GSC: variants seen among roughly 807,000 people sequenced by gnomAD.
GSC encodes goosecoid homeobox, also known as homeobox protein goosecoid.
Under a neutral mutation model 24.5 loss-of-function variants are expected in GSC, and 13 were observed. The ratio of observed to expected loss-of-function variants is 0.53; its 90% CI spans 0.35 to 0.84. GSC has a LOEUF of 0.84. Among genes scored for constraint, GSC ranks in the 40% least tolerant of loss-of-function variants. The pLI, the probability that GSC is intolerant of heterozygous loss-of-function variation, is 0.01. For missense variants in GSC, 382 were observed against 384.2 expected (o/e 0.99, Z 0.05); for synonymous variants, 199 against 182.1 (o/e 1.09, Z -0.75).
intron 1 of GSC, 30 bp from the exon 2 acceptor site, chr14:94,769,247 G>A (rs1175328274): frequency 6.5e-7 from 1 of 1,542,128 alleles, no homozygotes; most frequent in South Asian, 1.2e-5. Context: ...ACGGTCAGCC[G>A]CCCGCCCTCG....
At chr14:94,769,312 T>A (rs1885235963) in intron 1 of GSC, 95 bp from the exon 2 acceptor site, 3 of 1,459,124 alleles carry the variant, frequency 2.1e-6, no homozygotes, top group Non-Finnish European at 2.8e-6. Context: ...TTAGAAGTCG[T>A]CTGCAAGGGG....
rs57600257 is a variant in GSC, at chr14:94,770,077, TG to T, written c.-63del. 24 of 1,445,146 alleles carry T rather than the reference TG, an allele frequency of 1.7e-5. No individual in the cohort carries two copies. Among genetic ancestry groups the T allele is most frequent in the Admixed American group, 6.3e-5 (3 of 47,830 alleles). The allele number at this position is 1,445,146 out of a possible 1,614,324, so 89.5% of individuals were successfully genotyped here. ...ACGCGCCGAGGACAGAGCCTTAAAGTGGGGGGGTCCACTCTCCTCCAGCCGC... is the reference window on the plus strand; with the variant it reads ...ACGCGCCGAGGACAGAGCCTTAAAGTGGGGGGTCCACTCTCCTCCAGCCGC... On this transcript the variant is annotated 5_prime_UTR_variant, in exon 1 of 3. Coordinates refer to ENST00000238558, the MANE Select transcript of GSC (RefSeq NM_173849.3).
At position 94,769,687 on chromosome 14, in the gene GSC, T is replaced by C; in HGVS notation, c.329A>G (p.Gln110Arg). ...CGAVPPLGAQ[Q>R]CSCVPTPPGY... ...TGGGGGCGTCGGGACGCAGGAGCAC[T>C]GCTGGGCGCCCAGCGGCGGCACGGC... Residue 110 changes from glutamine to arginine, a missense_variant, in exon 1 of 3, where the codon CAG (glutamine) becomes CGG (arginine). Gln to Arg is a conservative substitution (Grantham distance 43, BLOSUM62 1). Transcript: ENST00000238558. The C allele has an allele frequency of 6.9e-7, 1 of 1,446,092 alleles. No individual in the cohort carries two copies. Among genetic ancestry groups the C allele is most frequent in the Non-Finnish European group, 9.0e-7 (1 of 1,109,034 alleles). 89.6% of individuals were successfully genotyped at this position (1,446,092 alleles called of 1,614,324 possible).
chr14:94,769,550 G>C, intron 1 of GSC, 111 bp downstream of exon 1: 1 of 1,361,226 alleles, frequency 7.3e-7, no homozygotes, highest in Non-Finnish European at 9.5e-7. Context: ...CGGCAAAAGC[G>C]GAGGGGGGAG....
Position 94,769,806 on chromosome 14 carries a change from C to T in GSC, c.210G>A (p.Pro70=). 2.1e-6 allele frequency: 3 copies of T among 1,413,900 alleles called. No individual in the cohort carries two copies. The highest frequency in any genetic ancestry group is 3.0e-5 in the African/African-American group (2 of 66,014). 87.6% of individuals were successfully genotyped at this position (1,413,900 alleles called of 1,614,324 possible). A position where few individuals can be genotyped will look rare whatever the true frequency, so the allele number is the denominator to read the frequency against. Residue 70 remains proline, a synonymous_variant, in exon 1 of 3, where the codon CCG becomes CCA. Coordinates refer to ENST00000238558, the MANE Select transcript of GSC (RefSeq NM_173849.3). The part of the protein sequence containing the change: ...RPVAPGGAGL[P]AAVSGSRLGY... ...CGAGGCGGGAGCCGCTGACCGCGGC[C>T]GGGAGGCCCGCGCCGCCGGGGGCCA...
In GSC at chr14:94,769,967, G is replaced by T; in HGVS notation, c.49C>A (p.Arg17Ser). Residue 17 changes from arginine to serine, a missense_variant, in exon 1 of 3, where the codon CGC becomes AGC. By Grantham distance (110) the Arg-to-Ser change is moderately radical. Transcript: ENST00000238558. ...ACCGGCAACACCGAGTCCTTGCAGC[G>T]CGGCCGGGCGGCTAGGATGTTGTCG... Reference protein sequence around the residue: ...SIDNILAARPRCKDSVLPVAH... With the variant: ...SIDNILAARPSCKDSVLPVAH... The T allele has an allele frequency of 1.3e-6, 2 of 1,556,198 alleles. No individual in the cohort carries two copies. The highest frequency in any genetic ancestry group is 1.7e-6 in the Non-Finnish European group (2 of 1,159,440).
At position 94,769,748 on chromosome 14, in the gene GSC, C is replaced by T. The variant is rs1885245721; in HGVS notation, c.268G>A (p.Val90Met). The change falls in exon 1 of 3, where the codon GTG becomes ATG. Residue 90 changes from valine (V) to methionine (M), a missense_variant. Physicochemically the swap from Val to Met is conservative, Grantham distance 21. Transcript: ENST00000238558. ...YNNYFYGQLH[V>M]QAAPVGPACC... Reference sequence around the variant, plus strand: ...GCCGGGCCCACGGGCGCCGCCTGCACGTGCAGCTGCCCGTAGAAGTAGTTG... The same window carrying T: ...GCCGGGCCCACGGGCGCCGCCTGCATGTGCAGCTGCCCGTAGAAGTAGTTG... The T allele has an allele frequency of 3.5e-6, 5 of 1,441,534 alleles. No homozygotes were observed. Among genetic ancestry groups the T allele is most frequent in the South Asian group, 1.4e-5 (1 of 70,388 alleles). 89.3% of individuals were successfully genotyped at this position (1,441,534 alleles called of 1,614,324 possible).
chr14:94,768,443 C>T lies in GSC; in HGVS notation c.*48G>A, dbSNP rs369236695. 20 of 1,609,338 alleles carry T rather than the reference C, an allele frequency of 1.2e-5. No individual in the cohort carries two copies. The highest frequency in any genetic ancestry group is 5.0e-5 in the Admixed American group (3 of 60,002). ...AAGAAAGTAGCATCGTCTGTCTGTG[C>T]AAGTCCTTCGAGTTAGGTAAGTAAT... On this transcript the variant is annotated 3_prime_UTR_variant, in exon 3 of 3. Coordinates refer to ENST00000238558, the MANE Select transcript of GSC (RefSeq NM_173849.3).
rs1885243277 is a variant in GSC, at chr14:94,769,668, C to T, written c.348G>A (p.Thr116=). 1.4e-6 allele frequency: 2 copies of T among 1,437,800 alleles called. No homozygotes were observed. The highest frequency in any genetic ancestry group is 1.8e-6 in the Non-Finnish European group (2 of 1,105,632). 89.1% of individuals were successfully genotyped at this position (1,437,800 alleles called of 1,614,324 possible). A position where few individuals can be genotyped will look rare whatever the true frequency, so the allele number is the denominator to read the frequency against. Reference sequence around the variant, plus strand: ...GAGCGAGCGCGACCCTACCTGGGGGCGTCGGGACGCAGGAGCACTGCTGGG... The same window carrying T: ...GAGCGAGCGCGACCCTACCTGGGGGTGTCGGGACGCAGGAGCACTGCTGGG... ...LGAQQCSCVP[T]PPGYEGPGSV... Residue 116 remains threonine (T), a synonymous_variant, in exon 1 of 3, where the codon ACG becomes ACA. Transcript: ENST00000238558.
rs377299455 is a variant in GSC, at chr14:94,768,400, G to A, written c.*91C>T. On this transcript the variant is annotated 3_prime_UTR_variant, in exon 3 of 3. Transcript: ENST00000238558. The stretch of plus-strand genomic sequence containing the variant: ...CGTTCCTCTTTCTCGACCCCCTCCC[G>A]CAAGGCAGCGCGTGTGCAAGAAAGT... 6.7e-7 allele frequency: 1 copy of A among 1,489,096 alleles called. No homozygotes were observed. The allele number at this position is 1,489,096 out of a possible 1,614,324, so 92.2% of individuals were successfully genotyped here.
chr14:94,769,558 G>C (rs902401483), intron 1 of GSC, 103 bp downstream of exon 1: 2 of 1,365,364 alleles, frequency 1.5e-6, no homozygotes, highest in African/African-American at 1.5e-5. Context: ...GCGGAGGGGG[G>C]AGTTGCAAGA....
intron 2 of GSC, 84 bp from the exon 3 acceptor site, chr14:94,768,733 G>A (rs1017884816): frequency 1.8e-5 from 28 of 1,558,780 alleles, no homozygotes; most frequent in Non-Finnish European, 2.2e-5. Flanking sequence ...TTGGTGTGGC[G>A]GCGGGACACC....
At chr14:94,768,743 C>T in intron 2 of GSC, 94 bp from the exon 3 acceptor site, 2 of 1,526,814 alleles carry the variant, frequency 1.3e-6, no homozygotes, top group Non-Finnish European at 1.8e-6. Flanking sequence ...GGCGGGACAC[C>T]CCGCGCAGGC....
chr14:94,768,755 A>C (rs1262055378), intron 2 of GSC, 106 bp from the exon 3 acceptor site: 1 of 1,506,318 alleles, frequency 6.6e-7, no homozygotes, highest in Non-Finnish European at 9.1e-7. Context: ...CGCGCAGGCC[A>C]ACAAAAGGAG....
chr14:94,768,821 C>T (rs1885222681), intron 2 of GSC, 137 bp downstream of exon 2: 1 of 1,400,292 alleles, frequency 7.1e-7, no homozygotes, highest in African/African-American at 1.4e-5. Flanking sequence ...GCCTAAAGCG[C>T]CCTCCAGCAG....
chr14:94,768,985 T>C lies in GSC; in HGVS notation c.588A>G (p.Lys196=). 1 of 1,593,998 alleles carries C rather than the reference T, an allele frequency of 6.3e-7. No homozygotes were observed. Among genetic ancestry groups the C allele is most frequent in the Non-Finnish European group, 8.5e-7 (1 of 1,171,358 alleles). Residue 196 remains lysine (K), a synonymous_variant, in exon 2 of 3, where the codon AAA becomes AAG. Transcript: ENST00000238558. ...DVGTREQLAR[K]VHLREEKVEV... is the part of the protein sequence containing the mutation. ...CCACTTTCTCCTCGCGGAGGTGCAC[T>C]TTCCGGGCCAGCTGCTCGCGCGTGC...
chr14:94,768,710 G>C lies in GSC; in HGVS notation c.616-61C>G, dbSNP rs1048343956. On this transcript the variant is annotated intron_variant, in intron 2 of 2. Transcript: ENST00000238558. ...AAGGCGCGCTTCCCCCAGTCCCGGG[G>C]CACCCGGGGAGCTTGGTGTGGCGGC... The C allele has an allele frequency of 1.8e-5, 29 of 1,594,330 alleles. 1 individual carries two copies. In the South Asian group the frequency reaches 3.1e-4, roughly 17 times the overall value.
Position 94,769,731 on chromosome 14 carries a change from C to T in GSC, c.285G>A (p.Val95=), listed in dbSNP as rs1885245252. The change falls in exon 1 of 3, where the codon GTG becomes GTA. Residue 95 remains valine (V), a synonymous_variant. Coordinates refer to ENST00000238558, the MANE Select transcript of GSC (RefSeq NM_173849.3). ...GCACGGCCCCGCAGCAGGCCGGGCC[C>T]ACGGGCGCCGCCTGCACGTGCAGCT... is the stretch of plus-strand genomic sequence containing the variant. ...YGQLHVQAAP[V]GPACCGAVPP... is the part of the protein sequence containing the mutation. The T allele has an allele frequency of 2.1e-6, 3 of 1,444,230 alleles. No individual in the cohort carries two copies. The South Asian group carries it at 4.2e-5, about 20-fold the overall frequency. The allele number at this position is 1,444,230 out of a possible 1,614,324, so 89.5% of individuals were successfully genotyped here.
intron 1 of GSC, 22 bp downstream of exon 1, chr14:94,769,639 G>A: frequency 7.1e-7 from 1 of 1,407,516 alleles, no homozygotes; most frequent in Non-Finnish European, 9.2e-7. Flanking sequence ...GGCGGCAGAG[G>A]CCGGAGCGAG....
Sources: gnomAD v4.1 joint callset for allele counts on GRCh38, gnomAD v4.1.1 for gene constraint, MANE v1.5 for transcripts, NCBI Gene and HGNC (gene_info 2026-07-23, HGNC 2026-07-21) for gene names.